Variants in WNK2 observed in about 807,000 individuals in gnomAD.
The protein encoded by WNK2 is serine/threonine-protein kinase WNK2.
WNK2 carries 67 observed loss-of-function variants against 192.1 expected under a neutral mutation model. That is an observed-to-expected ratio of 0.35 (90% CI 0.29 to 0.43). The LOEUF (loss-of-function observed/expected upper bound fraction) is 0.43. WNK2 is among the 20% of genes least tolerant of loss of function. WNK2 has a pLI of 1.00. For synonymous variants in WNK2, 1,439 were observed against 1,393.9 expected (o/e 1.03, Z -0.72); for missense variants, 2,698 against 3,089.7 (o/e 0.87, Z 3.01).
intron 28 of WNK2, among the ~76,000 whole-genome samples, chr9:93,312,451 C>T (rs370080187): frequency 1.3e-3 from 205 of 152,096 alleles, no homozygotes; most frequent in African/African-American, 4.7e-3. Flanking sequence ...CTCAGCTCAC[C>T]GCAACCTCTG....
intron 12 of WNK2, among the ~76,000 whole-genome samples, chr9:93,260,603 G>A (rs1413166362): frequency 1.3e-5 from 2 of 152,238 alleles, no homozygotes; most frequent in African/African-American, 4.8e-5. Flanking sequence ...CCAGACTGGA[G>A]TAAGCTGCCC....
rs572967989 is a variant in WNK2 at position 93,239,632 on chromosome 9, A to G, written c.1323-125A>G. On this transcript the variant is annotated intron_variant, in intron 6 of 29. Coordinates refer to ENST00000427277, the MANE Select transcript of WNK2 (RefSeq NM_006648.4). The surrounding 1 kb of genome is among the most constrained non-coding windows in gnomAD (Gnocchi z 4.2). ...TTTCTTTACCCCTGGGAGTGCTGAG[A>G]CATGAGGCCTGGCCTCAGGCTCCTG... 10 of 742,462 alleles carry G rather than the reference A, an allele frequency of 1.3e-5. No homozygotes were observed. The highest frequency in any genetic ancestry group is 2.2e-5 in the Non-Finnish European group (10 of 457,230). 46.0% of individuals were successfully genotyped at this position (742,462 alleles called of 1,614,324 possible).
intron 14 of WNK2, 61 bp from the exon 15 acceptor site, chr9:93,263,505 C>T (rs1844627743): frequency 1.3e-6 from 2 of 1,576,730 alleles, no homozygotes; most frequent in South Asian, 2.3e-5. Context: ...CTGACTTTCC[C>T]CGCCATTGCC....
intron 2 of WNK2, among the ~76,000 whole-genome samples, chr9:93,222,614 G>A (rs1588002513): frequency 1.3e-5 from 2 of 152,168 alleles, no homozygotes; most frequent in South Asian, 2.1e-4. Flanking sequence ...ATCAGCCTCC[G>A]TCTGTGACTC....
chr9:93,207,685 C>A (rs1347823381), intron 2 of WNK2, among the ~76,000 whole-genome samples: 1 of 152,264 alleles, frequency 6.6e-6, no homozygotes, highest in East Asian at 1.9e-4. Flanking sequence ...AATAGCCTCA[C>A]TGTCAGTGCT....
intron 2 of WNK2, among the ~76,000 whole-genome samples, chr9:93,213,064 G>A (rs565191487): frequency 1.3e-5 from 2 of 152,134 alleles, no homozygotes; most frequent in African/African-American, 4.8e-5. Context: ...TACTTCCAGG[G>A]AGGGGGCACC....
At position 93,259,494 on chromosome 9, in the gene WNK2, G is replaced by A. The variant is rs180958907; in HGVS notation, c.2946G>A (p.Pro982=). The A allele has an allele frequency of 6.3e-5, 83 of 1,317,770 alleles. No homozygotes were observed. The East Asian group carries it at 2.1e-3, about 33-fold the overall frequency. 81.6% of individuals were successfully genotyped at this position (1,317,770 alleles called of 1,614,324 possible). ...PTRPPQPVLP[P]QPMLPPQPVL... is the part of the protein sequence containing the mutation. ...GGCCCCCTCAACCTGTGCTGCCCCC[G>A]CAACCCATGCTGCCCCCACAACCTG... is the stretch of plus-strand genomic sequence containing the variant. The change falls in exon 12 of 30, where the codon CCG becomes CCA. Residue 982 remains proline (P), a synonymous_variant. Transcript: ENST00000427277. This position sits in a 1 kb window ranked among gnomAD's most constrained non-coding sequence, Gnocchi z 4.8.
intron 2 of WNK2, among the ~76,000 whole-genome samples, chr9:93,224,998 A>C (rs1253761158): frequency 6.6e-6 from 1 of 152,160 alleles, no homozygotes; most frequent in Non-Finnish European, 1.5e-5. Flanking sequence ...GGCCAACCCG[A>C]TGTCAGCAAA....
chr9:93,282,434 T>C (rs1847874929), intron 19 of WNK2, among the ~76,000 whole-genome samples: 1 of 147,028 alleles, frequency 6.8e-6, no homozygotes, highest in South Asian at 2.1e-4. Flanking sequence ...TAAATGTAAA[T>C]GGACTAAATC....
chr9:93,292,900 A>C lies in WNK2; in HGVS notation c.5435A>C (p.Glu1812Ala). 6.6e-7 allele frequency: 1 copy of C among 1,521,468 alleles called. No individual in the cohort carries two copies. Among genetic ancestry groups the C allele is most frequent in the Non-Finnish European group, 8.8e-7 (1 of 1,134,504 alleles). 94.2% of individuals were successfully genotyped at this position (1,521,468 alleles called of 1,614,324 possible). Residue 1812 changes from glutamate to alanine, a missense_variant, in exon 23 of 30, where the codon GAG becomes GCG. Physicochemically the swap from Glu to Ala is moderately radical, Grantham distance 107 (BLOSUM62 -1). Around this residue, in one of 7 missense-constraint regions of WNK2, gnomAD observed 1,098 missense variants for 1,101.0 expected, o/e 1.00. Transcript: ENST00000427277. The stretch of plus-strand genomic sequence containing the variant: ...CCCGTGTCCAGCGACTCTGGGGACG[A>C]GGGCCCTCGGGCGAGACCCCCGGTG... Reference protein sequence around the residue: ...GEPVSSDSGDEGPRARPPVQK... With the variant: ...GEPVSSDSGDAGPRARPPVQK...
chr9:93,220,573 C>T (rs1181569521), intron 2 of WNK2, among the ~76,000 whole-genome samples: 1 of 152,190 alleles, frequency 6.6e-6, no homozygotes, highest in Non-Finnish European at 1.5e-5. Flanking sequence ...TGGCGTGTCA[C>T]TGCTGTTGTT....
chr9:93,303,900 C>T (rs1179910918), intron 26 of WNK2, among the ~76,000 whole-genome samples: 1 of 152,186 alleles, frequency 6.6e-6, no homozygotes, highest in African/African-American at 2.4e-5. Flanking sequence ...CCATTTTTCT[C>T]CTGTGCCAGA....
intron 18 of WNK2, 140 bp downstream of exon 18, chr9:93,268,205 TGC>T: frequency 8.6e-7 from 1 of 1,163,830 alleles, no homozygotes; most frequent in Non-Finnish European, 1.2e-6. Context: ...TGGGGACAGC[TGC>T]CCTGTCCGAG....
intron 2 of WNK2, among the ~76,000 whole-genome samples, chr9:93,200,919 A>T (rs1407743065): frequency 1.3e-5 from 2 of 152,238 alleles, no homozygotes; most frequent in Non-Finnish European, 2.9e-5. Flanking sequence ...AAACAGAAGA[A>T]GATGAAAAAA....
intron 4 of WNK2, among the ~76,000 whole-genome samples, chr9:93,232,603 C>T (rs552942818): frequency 3.9e-4 from 60 of 152,230 alleles, no homozygotes; most frequent in Non-Finnish European, 6.8e-4. Flanking sequence ...GAGGAAGAAG[C>T]ACAGCCCACT....
At chr9:93,293,828 CCTT>C (rs753185897) in intron 23 of WNK2, among the ~76,000 whole-genome samples, 31 of 152,010 alleles carry the variant, frequency 2.0e-4, no homozygotes, top group Non-Finnish European at 4.1e-4. Flanking sequence ...CTTCCTTTCT[CCTT>C]CTCTCTCTCT....
At chr9:93,226,482 G>T (rs2131927136) in intron 2 of WNK2, among the ~76,000 whole-genome samples, 1 of 151,150 alleles carries the variant, frequency 6.6e-6, no homozygotes, top group Non-Finnish European at 1.5e-5. Flanking sequence ...ATGAAAAATT[G>T]AAGGGTGATT....
At chr9:93,265,963 C>T (rs2133126893) in intron 16 of WNK2, among the ~76,000 whole-genome samples, 1 of 152,322 alleles carries the variant, frequency 6.6e-6, no homozygotes, top group Admixed American at 6.5e-5. Context: ...TTTCACTCAG[C>T]ACTCGGATAC....
Position 93,293,089 on chromosome 9 carries a change from C to A in WNK2, c.5624C>A (p.Ser1875Tyr), listed in dbSNP as rs765695616. 1.2e-6 allele frequency: 2 copies of A among 1,607,342 alleles called. No individual in the cohort carries two copies. Among genetic ancestry groups the A allele is most frequent in the South Asian group, 2.2e-5 (2 of 90,426 alleles). The change falls in exon 23 of 30, where the codon TCC becomes TAC. Residue 1875 changes from serine to tyrosine, a missense_variant. This residue lies in a region of WNK2 where 1,098 missense variants were observed against 1,101.0 expected (regional missense o/e 1.00). Transcript: ENST00000427277. ...VPTISVTSFHSQSSYISSDND... is the reference protein window; with the variant it reads ...VPTISVTSFHYQSSYISSDND... ...ACGATCAGCGTGACCTCCTTCCATT[C>A]CCAGTCGTCCTACATCAGCAGCGAC... is the stretch of plus-strand genomic sequence containing the variant.
Sources: allele counts gnomAD v4.1 joint callset (sites outside exome capture counted in the v4.1 genomes callset), GRCh38; gene constraint gnomAD v4.1.1; regional missense constraint gnomAD v4.1.1; non-coding constraint Gnocchi (gnomAD v3.1); transcripts MANE v1.5; gene names NCBI Gene and HGNC (gene_info 2026-07-23, HGNC 2026-07-21).